The following SLMAP variants were observed in gnomAD, a reference collection of about 807,000 sequenced individuals.
The protein encoded by SLMAP is sarcolemmal membrane-associated protein.
In SLMAP, 44 loss-of-function variants were observed where a neutral mutation model predicts 128.8. That is an observed-to-expected ratio of 0.34 (90% CI 0.27 to 0.44). The LOEUF is 0.44. SLMAP is among the 20% of genes least tolerant of loss of function. The pLI, the probability that SLMAP is intolerant of heterozygous loss-of-function variation, is 1.00. For missense variants in SLMAP, 787 were observed against 985.3 expected, an observed-to-expected ratio of 0.80 and a Z score of 2.69; for synonymous variants, 327 against 348.8, an observed-to-expected ratio of 0.94 and a Z score of 0.70.
rs2077822921 is a variant in SLMAP, at chr3:57,757,470, C to T, written c.-182C>T. ...GTTTTAAAGGAGGTGATGGGGCTTGCGCTGGCTTGTCTTCCCACCCAAGTG... is the reference window on the plus strand; with the variant it reads ...GTTTTAAAGGAGGTGATGGGGCTTGTGCTGGCTTGTCTTCCCACCCAAGTG... On this transcript the variant is annotated 5_prime_UTR_variant, in exon 2 of 25. Coordinates refer to ENST00000671191, the MANE Select transcript of SLMAP (RefSeq NM_001377540.1). 4.8e-6 allele frequency: 3 copies of T among 624,036 alleles called. No homozygotes were observed. The highest frequency in any genetic ancestry group is 5.5e-5 in the Admixed American group (2 of 36,498). The allele number at this position is 624,036 out of a possible 1,614,324, so 38.7% of individuals were successfully genotyped here. A position where few individuals can be genotyped will look rare whatever the true frequency, so the allele number is the denominator to read the frequency against.
At chr3:57,851,829 T>G (rs540347962) in intron 6 of SLMAP, among the ~76,000 whole-genome samples, 2 of 152,184 alleles carry the variant, frequency 1.3e-5, no homozygotes, top group East Asian at 3.9e-4. Flanking sequence ...CCCACTTTTG[T>G]GACCTTGAGT....
intron 2 of SLMAP, chr3:57,800,189 T>G (rs946438789): frequency 4.6e-5 from 7 of 152,274 alleles, no homozygotes; most frequent in African/African-American, 1.4e-4. Context: ...AGACAGAGTC[T>G]CGCTCTGTAG....
intron 2 of SLMAP, among the ~76,000 whole-genome samples, chr3:57,807,735 C>A (rs2090168091): frequency 6.6e-6 from 1 of 151,812 alleles, no homozygotes; most frequent in Non-Finnish European, 1.5e-5. Flanking sequence ...CTGAAGTTTT[C>A]TTTTTTTGTT....
intron 2 of SLMAP, among the ~76,000 whole-genome samples, chr3:57,770,917 A>G (rs1194460367): frequency 1.3e-5 from 2 of 152,126 alleles, no homozygotes; most frequent in Non-Finnish European, 1.5e-5. Context: ...GGATTTTGGA[A>G]TATTTGCATT....
intron 2 of SLMAP, among the ~76,000 whole-genome samples, chr3:57,811,002 T>C (rs546463458): frequency 1.3e-5 from 2 of 152,334 alleles, no homozygotes; most frequent in East Asian, 3.9e-4. Context: ...GCTTAATTTA[T>C]ATCTCAAGCT....
intron 2 of SLMAP, among the ~76,000 whole-genome samples, chr3:57,769,484 C>T (rs907632620): frequency 6.6e-5 from 10 of 151,982 alleles, no homozygotes; most frequent in African/African-American, 1.7e-4. Flanking sequence ...TGAGCCACCG[C>T]GCCCGGCTGG....
At chr3:57,871,802 T>C in intron 14 of SLMAP, 104 bp downstream of exon 14, 2 of 821,498 alleles carry the variant, frequency 2.4e-6, no homozygotes, top group Non-Finnish European at 4.1e-6. Context: ...ATAGCAGAAG[T>C]GCTTAAAGGG....
intron 2 of SLMAP, among the ~76,000 whole-genome samples, chr3:57,824,983 A>G (rs565777937): frequency 1.1e-3 from 161 of 152,274 alleles, no homozygotes; most frequent in Non-Finnish European, 2.2e-3. Context: ...CCTCAGTTAA[A>G]TTTATTCATA....
chr3:57,843,228 TTTCC>T (rs1372420976), intron 4 of SLMAP, among the ~76,000 whole-genome samples: 4 of 152,066 alleles, frequency 2.6e-5, no homozygotes, highest in African/African-American at 9.6e-5. Context: ...AGCTGACTTT[TTTCC>T]TTCCTTAATT....
intron 13 of SLMAP, 101 bp downstream of exon 13, chr3:57,865,393 C>T (rs1333525156): frequency 8.6e-6 from 4 of 467,322 alleles, no homozygotes; most frequent in African/African-American, 8.0e-5. Flanking sequence ...GAATGAAAAG[C>T]ATGCTCTCAC....
intron 2 of SLMAP, among the ~76,000 whole-genome samples, chr3:57,777,264 A>T (rs978805707): frequency 1.3e-5 from 2 of 152,128 alleles, no homozygotes; most frequent in African/African-American, 4.8e-5. Context: ...ATAAAATTTT[A>T]AAAAAAGAAA....
In SLMAP at chr3:57,793,797, T is replaced by A. The variant is rs1398904454; in HGVS notation, c.198+35948T>A. On this transcript the variant is annotated intron_variant, in intron 2 of 24. Coordinates refer to ENST00000671191, the MANE Select transcript of SLMAP (RefSeq NM_001377540.1). ...TTTTTAAAGCTGGTGCGGTGACTCA[T>A]GCCTGTAATCCCAACACTTTGGGAG... is the stretch of plus-strand genomic sequence containing the variant. Among the ~76,000 whole-genome samples the A allele has an allele frequency of 2.6e-5, 4 of 151,712 alleles. No homozygotes were observed. The South Asian group carries it at 6.2e-4, about 24-fold the overall frequency.
At chr3:57,889,661 G>A (rs1360327527) in intron 14 of SLMAP, among the ~76,000 whole-genome samples, 4 of 151,996 alleles carry the variant, frequency 2.6e-5, no homozygotes, top group Non-Finnish European at 4.4e-5. Context: ...GTAAACTATC[G>A]ATATAACTTA....
At position 57,794,675 on chromosome 3, in the gene SLMAP, G is replaced by A. The variant is rs572126538; in HGVS notation, c.199-36708G>A. On this transcript the variant is annotated intron_variant, in intron 2 of 24. Transcript: ENST00000671191. ...GCCTATCTGGACATTTTATATCGAT[G>A]GAATGATACAACATGTGGTCTTTTG... 3.9e-5 allele frequency among the ~76,000 whole-genome samples: 6 copies of A among 152,078 alleles called. No individual in the cohort carries two copies. In the East Asian group the frequency reaches 9.7e-4, roughly 24 times the overall value.
intron 2 of SLMAP, among the ~76,000 whole-genome samples, chr3:57,787,540 A>T (rs2084481168): frequency 6.6e-6 from 1 of 152,138 alleles, no homozygotes. Flanking sequence ...GCAGTGGCGC[A>T]ATCTCCGCTC....
At chr3:57,779,527 A>AT (rs1559955996) in intron 2 of SLMAP, among the ~76,000 whole-genome samples, 1 of 149,882 alleles carries the variant, frequency 6.7e-6, no homozygotes, top group African/African-American at 2.4e-5. Flanking sequence ...AAAAAAAAAC[A>AT]AAAATAAAAT....
At chr3:57,765,474 G>T (rs957349817) in intron 2 of SLMAP, among the ~76,000 whole-genome samples, 1 of 152,158 alleles carries the variant, frequency 6.6e-6, no homozygotes, top group African/African-American at 2.4e-5. Context: ...AAGCAGGGAT[G>T]ATACGGCATG....
chr3:57,828,763 G>C (rs2093113804), intron 2 of SLMAP, among the ~76,000 whole-genome samples: 1 of 152,076 alleles, frequency 6.6e-6, no homozygotes, highest in African/African-American at 2.4e-5. Flanking sequence ...AAAAGAACCT[G>C]GGTTGATATT....
At chr3:57,888,928 G>A (rs1488371496) in intron 14 of SLMAP, among the ~76,000 whole-genome samples, 3 of 149,992 alleles carry the variant, frequency 2.0e-5, no homozygotes, top group Non-Finnish European at 4.4e-5. Flanking sequence ...ATGGAATCTC[G>A]CTCTGTCATA....
Sources: gnomAD v4.1 joint callset for allele counts (sites outside exome capture counted in the v4.1 genomes callset) on GRCh38, gnomAD v4.1.1 for gene constraint, MANE v1.5 for transcripts, NCBI Gene and HGNC (gene_info 2026-07-23, HGNC 2026-07-21) for gene names.